ST18: variants seen among roughly 807,000 people sequenced by gnomAD.
ST18 encodes the protein suppression of tumorigenicity 18 protein.
ST18 carries 50 observed loss-of-function variants against 110.0 expected under a neutral mutation model. The observed-to-expected ratio is 0.45, with a 90% CI of 0.36 to 0.58. The LOEUF is 0.58. ST18 is among the 20% of genes least tolerant of loss of function. The probability of loss-of-function intolerance (pLI) is 0.00; values close to 1 mark genes in which losing one functional copy is unlikely to be tolerated. For missense variants in ST18, 1,306 were observed against 1,280.1 expected (o/e 1.02, Z -0.31); for synonymous variants, 461 against 452.4 (o/e 1.02, Z -0.24).
At chr8:52,270,158 T>C (rs1297542280) in intron 2 of ST18, among the ~76,000 whole-genome samples, 1 of 152,250 alleles carries the variant, frequency 6.6e-6, no homozygotes, top group East Asian at 1.9e-4. Flanking sequence ...GGAAAATGTT[T>C]TTCTTCTTTT....
chr8:52,237,622 G>A (rs138474638), intron 2 of ST18, among the ~76,000 whole-genome samples: 127 of 152,172 alleles, frequency 8.3e-4, no homozygotes, highest in African/African-American at 2.3e-3. Flanking sequence ...ATGAAAGGGT[G>A]GATAACACAG....
intron 2 of ST18, among the ~76,000 whole-genome samples, chr8:52,256,084 C>A (rs2094519661): frequency 6.6e-6 from 1 of 152,224 alleles, no homozygotes; most frequent in South Asian, 2.1e-4. Context: ...AAGTCTATAT[C>A]CATCAAAACA....
chr8:52,253,501 A>G (rs2094416078), intron 2 of ST18, among the ~76,000 whole-genome samples: 1 of 152,114 alleles, frequency 6.6e-6, no homozygotes, highest in African/African-American at 2.4e-5. Context: ...CCAATTCTCT[A>G]AATATTTAAA....
intron 2 of ST18, among the ~76,000 whole-genome samples, chr8:52,259,552 AGAT>A (rs1349535876): frequency 1.3e-5 from 2 of 152,208 alleles, no homozygotes; most frequent in African/African-American, 4.8e-5. Flanking sequence ...AATGAATGAA[AGAT>A]GATAAATGAT....
At chr8:52,368,107 A>G (rs1233320872) in intron 2 of ST18, among the ~76,000 whole-genome samples, 2 of 152,028 alleles carry the variant, frequency 1.3e-5, no homozygotes, top group Admixed American at 1.3e-4. Flanking sequence ...TGCAGTGGCA[A>G]TCTCTTGGGG....
intron 2 of ST18, among the ~76,000 whole-genome samples, chr8:52,236,044 T>C (rs888811632): frequency 1.3e-5 from 2 of 152,208 alleles, no homozygotes; most frequent in Non-Finnish European, 2.9e-5. Flanking sequence ...AGCAACATAC[T>C]GATCTTGGAT....
chr8:52,322,577 T>G (rs1429389853), intron 2 of ST18, among the ~76,000 whole-genome samples: 2 of 152,212 alleles, frequency 1.3e-5, no homozygotes. Context: ...AAAATATCAC[T>G]CAACCCTTTG....
At chr8:52,235,568 T>C (rs910091022) in intron 2 of ST18, among the ~76,000 whole-genome samples, 2 of 152,160 alleles carry the variant, frequency 1.3e-5, no homozygotes, top group Non-Finnish European at 2.9e-5. Flanking sequence ...GGACCAAATA[T>C]TTAGAGATAA....
At chr8:52,210,186 T>G (rs2135923001) in intron 8 of ST18, 4 of 455,934 alleles carry the variant, frequency 8.8e-6, no homozygotes, top group East Asian at 7.0e-5. Context: ...ACTGGGTCAT[T>G]TTAAACTTCT....
chr8:52,218,546 C>A (rs2085312082), intron 5 of ST18, among the ~76,000 whole-genome samples: 1 of 147,154 alleles, frequency 6.8e-6, no homozygotes, highest in African/African-American at 2.5e-5. Context: ...TGTCACCATG[C>A]CTGGCTAATT....
At chr8:52,250,021 T>G (rs769291549) in intron 2 of ST18, among the ~76,000 whole-genome samples, 10 of 152,000 alleles carry the variant, frequency 6.6e-5, no homozygotes, top group Non-Finnish European at 1.5e-4. Flanking sequence ...AAAGTTGCAT[T>G]TATGCCCTCT....
intron 15 of ST18, among the ~76,000 whole-genome samples, chr8:52,153,972 T>C (rs2059410448): frequency 6.6e-6 from 1 of 152,208 alleles, no homozygotes; most frequent in South Asian, 2.1e-4. Context: ...TCATAATAAT[T>C]TGACTGAGTT....
chr8:52,297,211 A>G (rs985565082), intron 2 of ST18, among the ~76,000 whole-genome samples: 1 of 152,320 alleles, frequency 6.6e-6, no homozygotes, highest in African/African-American at 2.4e-5. Context: ...ACAGGCTCAG[A>G]GCCCAGCTCC....
rs549603604 is a variant in ST18 at position 52,277,330 on chromosome 8, C to T, written c.-464-47253G>A. ...CTGGTTCTTGGGTGACATCATAAAC[C>T]ACCTCTAGTCCTCTCCTGCTTCCAG... On this transcript the variant is annotated intron_variant, in intron 2 of 25. Transcript: ENST00000689386. Among the ~76,000 whole-genome samples, 3 of 152,304 alleles carry T rather than the reference C, an allele frequency of 2.0e-5. No homozygotes were observed. In the East Asian group the frequency reaches 5.8e-4, roughly 29 times the overall value.
At chr8:52,195,981 T>C (rs375233530) in intron 8 of ST18, among the ~76,000 whole-genome samples, 16 of 152,328 alleles carry the variant, frequency 1.1e-4, no homozygotes, top group African/African-American at 3.4e-4. Flanking sequence ...AAACATCTAG[T>C]TTTAGAAGAA....
chr8:52,314,233 T>C (rs556400576), intron 2 of ST18, among the ~76,000 whole-genome samples: 1 of 152,216 alleles, frequency 6.6e-6, no homozygotes, highest in East Asian at 1.9e-4. Flanking sequence ...GAGAACCTGC[T>C]CCAGAAAGTG....
chr8:52,173,369 C>A (rs536415511), intron 9 of ST18, among the ~76,000 whole-genome samples: 1 of 152,272 alleles, frequency 6.6e-6, no homozygotes, highest in African/African-American at 2.4e-5. Flanking sequence ...GTTTTCAGTA[C>A]AAGGCTACTT....
chr8:52,175,969 C>T (rs1293987881), intron 9 of ST18, among the ~76,000 whole-genome samples: 3 of 151,918 alleles, frequency 2.0e-5, no homozygotes, highest in Non-Finnish European at 4.4e-5. Flanking sequence ...TTCTCAAGTT[C>T]GGATATTTTC....
intron 2 of ST18, among the ~76,000 whole-genome samples, chr8:52,316,019 C>G (rs1372498874): frequency 2.6e-5 from 4 of 152,026 alleles, no homozygotes; most frequent in Admixed American, 6.6e-5. Context: ...ATAAATGGAC[C>G]CATTAAAATT....
Sources: gnomAD v4.1 joint callset for allele counts (sites outside exome capture counted in the v4.1 genomes callset) on GRCh38, gnomAD v4.1.1 for gene constraint, MANE v1.5 for transcripts, NCBI Gene and HGNC (gene_info 2026-07-23, HGNC 2026-07-21) for gene names.